The following ZC3H3 variants were observed in gnomAD, a reference collection of about 807,000 sequenced individuals.
ZC3H3 encodes zinc finger CCCH domain-containing protein 3.
Under a neutral mutation model 77.3 loss-of-function variants are expected in ZC3H3, and 36 were observed. That is an observed-to-expected ratio of 0.47 (90% CI 0.36 to 0.61). The LOEUF is 0.61. Ranked by LOEUF, ZC3H3 falls within the 20% of genes least tolerant of loss-of-function variation. ZC3H3 has a pLI of 0.00. For missense variants in ZC3H3, 1,331 were observed against 1,312.2 expected, an observed-to-expected ratio of 1.01 and a Z score of -0.22; for synonymous variants, 626 against 555.2, an observed-to-expected ratio of 1.13 and a Z score of -1.79.
intron 3 of ZC3H3, among the ~76,000 whole-genome samples, chr8:143,512,638 C>T (rs1821906459): frequency 6.6e-6 from 1 of 152,208 alleles, no homozygotes; most frequent in Non-Finnish European, 1.5e-5. Context: ...TCCCCAGAAA[C>T]CTGAGTTCAC....
intron 4 of ZC3H3, among the ~76,000 whole-genome samples, chr8:143,479,322 C>A (rs541212597): frequency 3.9e-5 from 6 of 152,236 alleles, no homozygotes; most frequent in South Asian, 2.1e-4. Flanking sequence ...TAAATTGTGA[C>A]CCTAATGGAG....
At chr8:143,456,203 G>A (rs773329425) in intron 9 of ZC3H3, among the ~76,000 whole-genome samples, 3 of 151,896 alleles carry the variant, frequency 2.0e-5, no homozygotes, top group Non-Finnish European at 2.9e-5. Context: ...TCTAAAAAGT[G>A]TTCAAGTAAC....
intron 9 of ZC3H3, among the ~76,000 whole-genome samples, chr8:143,465,129 C>G (rs182111479): frequency 9.2e-5 from 14 of 152,202 alleles, no homozygotes; most frequent in Admixed American, 9.2e-4. Context: ...AGAGGGGAGC[C>G]GCAGCCATCA....
At chr8:143,468,763 G>T in intron 5 of ZC3H3, 104 bp from the exon 6 acceptor site, 1 of 1,401,968 alleles carries the variant, frequency 7.1e-7, no homozygotes, top group Non-Finnish European at 9.5e-7. Flanking sequence ...CCAACACTCA[G>T]CTCAGGCACA....
chr8:143,446,229 G>C (rs1489575749), intron 9 of ZC3H3, among the ~76,000 whole-genome samples: 1 of 152,190 alleles, frequency 6.6e-6, no homozygotes, highest in Admixed American at 6.5e-5. Context: ...AAAATATTTA[G>C]AGGCAACTGA....
intron 4 of ZC3H3, among the ~76,000 whole-genome samples, chr8:143,476,053 C>T (rs549451887): frequency 1.3e-5 from 2 of 152,312 alleles, no homozygotes; most frequent in African/African-American, 4.8e-5. Context: ...GAGAAGCACA[C>T]CTGGCCCTTG....
At chr8:143,451,640 C>T (rs528282390) in intron 9 of ZC3H3, among the ~76,000 whole-genome samples, 1 of 151,922 alleles carries the variant, frequency 6.6e-6, no homozygotes, top group African/African-American at 2.4e-5. Flanking sequence ...AAAAATTAGC[C>T]TTGCATGGTG....
At chr8:143,529,162 G>A (rs1487850542) in intron 3 of ZC3H3, among the ~76,000 whole-genome samples, 3 of 152,350 alleles carry the variant, frequency 2.0e-5, no homozygotes, top group Admixed American at 6.5e-5. Context: ...CCGGGCCTTC[G>A]AGGTGGGGCA....
intron 5 of ZC3H3, among the ~76,000 whole-genome samples, chr8:143,475,012 C>T (rs1820688679): frequency 6.6e-6 from 1 of 152,224 alleles, no homozygotes; most frequent in African/African-American, 2.4e-5. Flanking sequence ...GCAACTCTCC[C>T]CCACCCCACA....
At chr8:143,483,915 A>G (rs1458823578) in intron 4 of ZC3H3, among the ~76,000 whole-genome samples, 1 of 152,186 alleles carries the variant, frequency 6.6e-6, no homozygotes, top group Non-Finnish European at 1.5e-5. Context: ...TCACCCCCAC[A>G]GCATCTACCT....
Position 143,451,416 on chromosome 8 carries a change from C to T in ZC3H3, c.2308-10296G>A, listed in dbSNP as rs1027202077. Among the ~76,000 whole-genome samples the T allele has an allele frequency of 3.3e-5, 5 of 152,016 alleles. No homozygotes were observed. The South Asian group carries it at 8.3e-4, about 25-fold the overall frequency. On this transcript the variant is annotated intron_variant, in intron 9 of 11. Coordinates refer to ENST00000262577, the MANE Select transcript of ZC3H3 (RefSeq NM_015117.3). ...ATACAGATGAAAAAAACTCTAGACG[C>T]GACAAAGGATGTTGTAGACACACCG...
chr8:143,468,501 C>T lies in ZC3H3; in HGVS notation c.1986G>A (p.Ala662=), dbSNP rs752361968. Reference sequence around the variant, plus strand: ...CCTTCCTCTTCTCCCTGCGCTGCCGCGCCTGCCGGATGATGGCCAGGCTGC... The same window carrying T: ...CCTTCCTCTTCTCCCTGCGCTGCCGTGCCTGCCGGATGATGGCCAGGCTGC... The part of the protein sequence containing the change: ...VQRSLAIIRQ[A]RQRREKRKEY... Residue 662 remains alanine, a synonymous_variant, in exon 7 of 12, where the codon GCG becomes GCA. Transcript: ENST00000262577. 72 of 1,608,832 alleles carry T rather than the reference C, an allele frequency of 4.5e-5. 1 individual carries two copies. Among genetic ancestry groups the T allele is most frequent in the South Asian group, 4.1e-4 (37 of 90,180 alleles).
At chr8:143,489,554 C>T (rs957072757) in intron 4 of ZC3H3, among the ~76,000 whole-genome samples, 4 of 152,264 alleles carry the variant, frequency 2.6e-5, no homozygotes, top group South Asian at 2.1e-4. Context: ...GGCAAGGGGG[C>T]GCCTTGCCCC....
In ZC3H3 at chr8:143,507,771, G is replaced by T. The variant is rs181766109; in HGVS notation, c.1690C>A (p.Arg564=). ...PPFPLSLPSW[R]ARRLSLSRSL... ...CTGGATAGTGAGAGCCGCCGGGCCC[G>T]CCAGGAGGGCAGAGACAGGGGGAAG... The change falls in exon 4 of 12, where the codon CGG becomes AGG. Residue 564 remains arginine (R), a synonymous_variant. Coordinates refer to ENST00000262577, the MANE Select transcript of ZC3H3 (RefSeq NM_015117.3). 13 of 1,591,718 alleles carry T rather than the reference G, an allele frequency of 8.2e-6. No homozygotes were observed. Among genetic ancestry groups the T allele is most frequent in the African/African-American group, 2.7e-5 (2 of 74,788 alleles).
rs74996058 is a variant in ZC3H3, at chr8:143,465,937, C to A, written c.2176-89G>T. Reference sequence around the variant, plus strand: ...CTGGGGACCCTCCTACGGCCCCGCCCGAGAGAGAAATGGACACGCGGCACC... The same window carrying A: ...CTGGGGACCCTCCTACGGCCCCGCCAGAGAGAGAAATGGACACGCGGCACC... On this transcript the variant is annotated intron_variant, in intron 8 of 11. Coordinates refer to ENST00000262577, the MANE Select transcript of ZC3H3 (RefSeq NM_015117.3). The A allele has an allele frequency of 3.4e-6, 5 of 1,489,616 alleles. No homozygotes were observed. In the Admixed American group the frequency reaches 8.6e-5, roughly 26 times the overall value. 92.3% of individuals were successfully genotyped at this position (1,489,616 alleles called of 1,614,324 possible).
At chr8:143,451,782 T>TAAA (rs547990960) in intron 9 of ZC3H3, among the ~76,000 whole-genome samples, 1 of 112,510 alleles carries the variant, frequency 8.9e-6, no homozygotes, top group Non-Finnish European at 1.9e-5. Context: ...AGACTCTGCC[T>TAAA]AAAAAAAAAA....
intron 3 of ZC3H3, chr8:143,523,629 G>C (rs1439694927): frequency 1.3e-6 from 1 of 781,964 alleles, no homozygotes; most frequent in Non-Finnish European, 1.6e-6. Context: ...TCCTCATCCA[G>C]CTTGGGCAGG....
chr8:143,540,372 G>A (rs1043305202), intron 1 of ZC3H3, among the ~76,000 whole-genome samples: 49 of 152,032 alleles, frequency 3.2e-4, no homozygotes, highest in African/African-American at 1.1e-3. Context: ...GACTACAGGC[G>A]CAAGCCACCA....
intron 3 of ZC3H3, among the ~76,000 whole-genome samples, chr8:143,509,699 G>C (rs780096949): frequency 6.6e-5 from 10 of 152,232 alleles, no homozygotes; most frequent in Non-Finnish European, 1.2e-4. Context: ...CCTGCTCAGA[G>C]GCCAGGTGGG....
Sources: gnomAD v4.1 joint callset for allele counts (sites outside exome capture counted in the v4.1 genomes callset) on GRCh38, gnomAD v4.1.1 for gene constraint, MANE v1.5 for transcripts, NCBI Gene and HGNC (gene_info 2026-07-23, HGNC 2026-07-21) for gene names.